GLT8D2: variants seen among roughly 807,000 people sequenced by gnomAD.
GLT8D2 encodes glycosyltransferase 8 domain containing 2.
A neutral mutation model predicts 44.5 loss-of-function variants in GLT8D2; 45 were observed. That is an observed-to-expected ratio of 1.01 (90% CI 0.80 to 1.30). The LOEUF (loss-of-function observed/expected upper bound fraction) is 1.30. Among genes scored for constraint, GLT8D2 ranks in the 50% most tolerant of loss-of-function variants. The probability of loss-of-function intolerance (pLI) is 0.00; values close to 1 mark genes in which losing one functional copy is unlikely to be tolerated. For synonymous variants in GLT8D2, 156 were observed against 157.2 expected, an observed-to-expected ratio of 0.99 and a Z score of 0.06; for missense variants, 400 against 430.4, an observed-to-expected ratio of 0.93 and a Z score of 0.62.
At chr12:104,039,803 C>T (rs1326945376) in intron 1 of GLT8D2, among the ~76,000 whole-genome samples, 1 of 152,154 alleles carries the variant, frequency 6.6e-6, no homozygotes, top group African/African-American at 2.4e-5. Context: ...TGGGTATATA[C>T]CCAAAGGATT....
chr12:104,063,210 A>C (rs1439571204), intron 1 of GLT8D2, among the ~76,000 whole-genome samples: 1 of 152,178 alleles, frequency 6.6e-6, no homozygotes, highest in Non-Finnish European at 1.5e-5. Context: ...ACTATAGTGA[A>C]GCATATTAAC....
Position 104,006,072 on chromosome 12 carries a change from T to C in GLT8D2, c.113-2766A>G, listed in dbSNP as rs530292452. 5.6e-4 allele frequency among the ~76,000 whole-genome samples: 86 copies of C among 152,304 alleles called. 2 individuals are homozygous for C. Among genetic ancestry groups the C allele is most frequent in the African/African-American group, 1.9e-3 (81 of 41,558 alleles). ...GCAGCCATAAAAAAGGATGAGTTCA[T>C]GTCCTTTGTAGGGACATGGATGAAG... On this transcript the variant is annotated intron_variant, in intron 4 of 10. Coordinates refer to ENST00000360814, the MANE Select transcript of GLT8D2 (RefSeq NM_001384711.1).
Position 103,989,581 on chromosome 12 carries a change from C to A in GLT8D2, c.881-4G>T, listed in dbSNP as rs779167284. ...TATCTGGCATCTGGATTCCAGCCTT[C>A]ATTGTGTATAGAGAAAAAATAATAG... On this transcript the variant is annotated splice_region_variant and splice_polypyrimidine_tract_variant and intron_variant, in intron 10 of 10. Coordinates refer to ENST00000360814, the MANE Select transcript of GLT8D2 (RefSeq NM_001384711.1). 6.2e-7 allele frequency: 1 copy of A among 1,606,622 alleles called. No individual in the cohort carries two copies. The highest frequency in any genetic ancestry group is 1.1e-5 in the South Asian group (1 of 89,814).
chr12:104,040,430 GT>G (rs1010284641), intron 1 of GLT8D2, among the ~76,000 whole-genome samples: 53 of 151,546 alleles, frequency 3.5e-4, no homozygotes, highest in African/African-American at 1.3e-3. Context: ...AAAAAAAAAT[GT>G]TTTTTTTCTT....
At chr12:104,025,642 T>C (rs1435488014) in intron 1 of GLT8D2, among the ~76,000 whole-genome samples, 1 of 152,232 alleles carries the variant, frequency 6.6e-6, no homozygotes, top group Non-Finnish European at 1.5e-5. Context: ...CATTCAGAGT[T>C]AATTTTTGTA....
chr12:103,997,530 G>A lies in GLT8D2; in HGVS notation c.408C>T (p.Asn136=). The A allele has an allele frequency of 6.2e-7, 1 of 1,612,304 alleles. No individual in the cohort carries two copies. The highest frequency in any genetic ancestry group is 8.5e-7 in the Non-Finnish European group (1 of 1,178,356). Residue 136 remains asparagine (N), a synonymous_variant, in exon 7 of 11, where the codon AAC becomes AAT. Coordinates refer to ENST00000360814, the MANE Select transcript of GLT8D2 (RefSeq NM_001384711.1). ...SSRPELLQPL[N]FVRFYLPLLI... is the part of the protein sequence containing the mutation. ...GTAGAGGGAGATAAAATCGAACAAA[G>A]TTCAGCTGTTAAAACGACAAAAGAA... is the stretch of plus-strand genomic sequence containing the variant.
intron 4 of GLT8D2, among the ~76,000 whole-genome samples, chr12:104,008,893 T>A (rs1014362854): frequency 6.6e-6 from 1 of 152,246 alleles, no homozygotes; most frequent in African/African-American, 2.4e-5. Flanking sequence ...GTGTTGAGCC[T>A]GTGAGTGCAC....
intron 1 of GLT8D2, among the ~76,000 whole-genome samples, chr12:104,037,077 G>A (rs1566209475): frequency 6.6e-6 from 1 of 152,142 alleles, no homozygotes; most frequent in African/African-American, 2.4e-5. Context: ...GGTAAATAGC[G>A]AAATGAAGGC....
At chr12:103,993,608 T>A in intron 9 of GLT8D2, 104 bp from the exon 10 acceptor site, 1 of 707,446 alleles carries the variant, frequency 1.4e-6, no homozygotes. Flanking sequence ...TCTCACTATG[T>A]ACTAAGACTT....
At chr12:104,032,458 T>G in intron 1 of GLT8D2, among the ~76,000 whole-genome samples, 1 of 75,866 alleles carries the variant, frequency 1.3e-5, no homozygotes, top group Non-Finnish European at 2.4e-5. Context: ...AGGAGTGATG[T>G]GCAATAGCAA....
intron 1 of GLT8D2, among the ~76,000 whole-genome samples, chr12:104,044,281 C>T (rs1478590319): frequency 6.6e-6 from 1 of 152,162 alleles, no homozygotes; most frequent in African/African-American, 2.4e-5. Flanking sequence ...CAAATTGCAT[C>T]CCCTCAGCAA....
intron 10 of GLT8D2, among the ~76,000 whole-genome samples, chr12:103,993,120 C>G (rs924533745): frequency 6.6e-6 from 1 of 152,150 alleles, no homozygotes; most frequent in Non-Finnish European, 1.5e-5. Context: ...CACCTAAGGT[C>G]AGGAGTTTGA....
chr12:104,018,734 C>A (rs927712779), intron 3 of GLT8D2, among the ~76,000 whole-genome samples: 8 of 152,096 alleles, frequency 5.3e-5, no homozygotes, highest in Non-Finnish European at 4.4e-5. Context: ...ATTACCCAGG[C>A]AAGTATGTCT....
chr12:104,053,617 G>A (rs1881905363), upstream of GLT8D2, among the ~76,000 whole-genome samples: 1 of 152,188 alleles, frequency 6.6e-6, no homozygotes, highest in South Asian at 2.1e-4. Context: ...GGGCGCGGTG[G>A]CTCACACCTG....
At chr12:103,999,567 T>C in intron 5 of GLT8D2, 53 bp from the exon 6 acceptor site, 1 of 1,059,540 alleles carries the variant, frequency 9.4e-7, no homozygotes, top group Non-Finnish European at 1.5e-6. Flanking sequence ...CTTTCCTCCA[T>C]TTGCCTATTG....
Position 103,993,218 on chromosome 12 carries a change from C to T in GLT8D2, c.880+174G>A, listed in dbSNP as rs940176543. 3.3e-5 allele frequency among the ~76,000 whole-genome samples: 5 copies of T among 152,292 alleles called. No homozygotes were observed. In the South Asian group the frequency reaches 1.0e-3, roughly 32 times the overall value. Reference sequence around the variant, plus strand: ...TGATGGCACATGCCTGTAATCCCAGCTACTCGAGATGCTGAGGCAGGTGAA... The same window carrying T: ...TGATGGCACATGCCTGTAATCCCAGTTACTCGAGATGCTGAGGCAGGTGAA... On this transcript the variant is annotated intron_variant, in intron 10 of 10. Transcript: ENST00000360814.
chr12:104,054,053 T>C (rs929616693), upstream of GLT8D2, among the ~76,000 whole-genome samples: 1 of 152,062 alleles, frequency 6.6e-6, no homozygotes, highest in Non-Finnish European at 1.5e-5. Flanking sequence ...TGTGTAATGA[T>C]TACCAAAATC....
chr12:104,034,679 C>T (rs1879731807), intron 1 of GLT8D2, among the ~76,000 whole-genome samples: 1 of 152,372 alleles, frequency 6.6e-6, no homozygotes, highest in East Asian at 1.9e-4. Context: ...TCCGCAAAGC[C>T]AGCTGCCTCT....
At chr12:103,997,263 C>T (rs2293626) in intron 7 of GLT8D2, among the ~76,000 whole-genome samples, 188 bp downstream of exon 7, 12,881 of 152,258 alleles carry the variant, frequency 0.085, 847 homozygotes, top group East Asian at 0.31. Flanking sequence ...AGAGTGTCAA[C>T]TGGATTGTCT....
Sources: gnomAD v4.1 joint callset for allele counts (sites outside exome capture counted in the v4.1 genomes callset) on GRCh38, gnomAD v4.1.1 for gene constraint, MANE v1.5 for transcripts, NCBI Gene and HGNC (gene_info 2026-07-23, HGNC 2026-07-21) for gene names.